C18orf54: variants seen among roughly 807,000 people sequenced by gnomAD.
The protein encoded by C18orf54 is lung adenoma susceptibility protein 2.
C18orf54 carries 49 observed loss-of-function variants against 49.3 expected under a neutral mutation model. The ratio of observed to expected loss-of-function variants is 0.99; its 90% confidence interval spans 0.79 to 1.26. The LOEUF (loss-of-function observed/expected upper bound fraction) is 1.26. C18orf54 is among the 50% of genes most tolerant of loss of function. C18orf54 has a pLI of 0.00. For synonymous variants in C18orf54, 211 were observed against 216.6 expected, an observed-to-expected ratio of 0.97 and a Z score of 0.23; for missense variants, 687 against 620.6, an observed-to-expected ratio of 1.11 and a Z score of -1.14.
At position 54,365,733 on chromosome 18, in the gene C18orf54, C is replaced by T. The variant is rs150002374; in HGVS notation, c.1238C>T (p.Pro413Leu). 114 of 1,590,090 alleles carry T rather than the reference C, an allele frequency of 7.2e-5. 1 individual carries two copies. In the East Asian group the frequency reaches 9.0e-4, roughly 13 times the overall value. The change falls in exon 6 of 9, where the codon CCC becomes CTC. Residue 413 changes from proline (P) to leucine (L), a missense_variant. Pro to Leu is a moderately conservative substitution (Grantham distance 98). Transcript: ENST00000620105. ...ATCCTGTTTAGCAAATCTCCTGTTC[C>T]CGTTAACTCTGATGATAGTCCTCAA... ...NIPVTFKSPV[P>L]VNSDDSPQQT...
rs1380141933 is a variant in C18orf54 at position 54,362,331 on chromosome 18, T to A, written c.972T>A (p.Asp324Glu). The change falls in exon 4 of 9, where the codon GAT becomes GAA. Residue 324 changes from aspartate to glutamate, a missense_variant. By Grantham distance (45) the Asp-to-Glu change is conservative. Coordinates refer to ENST00000620105, the MANE Select transcript of C18orf54 (RefSeq NM_001288980.2). ...CAAACTTTTCAAATTCCTTGAGTGA[T>A]GATAAAGAATTAGTTAATGAATACA... ...EPSNFSNSLS[D>E]DKELVNEYKC... is the part of the protein sequence containing the mutation. 1 of 1,535,950 alleles carries A rather than the reference T, an allele frequency of 6.5e-7. No homozygotes were observed. The highest frequency in any genetic ancestry group is 2.4e-5 in the East Asian group (1 of 40,908).
At chr18:54,361,243 A>G (rs2144718203) in intron 3 of C18orf54, among the ~76,000 whole-genome samples, 1 of 152,332 alleles carries the variant, frequency 6.6e-6, no homozygotes, top group Non-Finnish European at 1.5e-5. Context: ...AATCCATGCC[A>G]TTGAAGGGTT....
At chr18:54,373,079 T>C (rs1171073539) in intron 7 of C18orf54, among the ~76,000 whole-genome samples, 1 of 151,916 alleles carries the variant, frequency 6.6e-6, no homozygotes, top group Non-Finnish European at 1.5e-5. Context: ...CATTTTATTT[T>C]TTCAATTTGT....
In C18orf54 at chr18:54,360,767, T is replaced by G. The variant is rs1335551727; in HGVS notation, c.195T>G (p.Tyr65Ter). 1 of 1,613,672 alleles carries G rather than the reference T, an allele frequency of 6.2e-7. No homozygotes were observed. The highest frequency in any genetic ancestry group is 8.5e-7 in the Non-Finnish European group (1 of 1,179,710). Reference sequence around the variant, plus strand: ...ATGATTTTGATCTAGGCCAAATATATCCTGGTGCAAGCACTGGAAAAATTA... The same window carrying G: ...ATGATTTTGATCTAGGCCAAATATAGCCTGGTGCAAGCACTGGAAAAATTA... ...YIDDFDLGQI[Y>*]PGASTGKINI... The change falls in exon 3 of 9, where the codon TAT (tyrosine) becomes TAG (stop). Residue 65 changes from tyrosine to a stop codon, truncating the protein, a stop_gained. Transcript: ENST00000620105. LOFTEE classifies it high-confidence loss of function.
At chr18:54,378,020 G>A (rs2089604745) in intron 8 of C18orf54, among the ~76,000 whole-genome samples, 154 bp from the exon 9 acceptor site, 1 of 152,012 alleles carries the variant, frequency 6.6e-6, no homozygotes, top group Admixed American at 6.5e-5. Context: ...AGATCTCAAG[G>A]TTTTATAAGG....
intron 2 of C18orf54, among the ~76,000 whole-genome samples, chr18:54,359,553 A>G (rs1391440561): frequency 6.6e-6 from 1 of 152,240 alleles, no homozygotes; most frequent in East Asian, 1.9e-4. Flanking sequence ...CTAAGATTAC[A>G]TTAAAAGTTG....
intron 2 of C18orf54, among the ~76,000 whole-genome samples, chr18:54,359,575 AT>A (rs1367036764): frequency 2.6e-5 from 4 of 152,208 alleles, no homozygotes; most frequent in Non-Finnish European, 5.9e-5. Flanking sequence ...TATAACAAAT[AT>A]TTCTAAAATT....
intron 2 of C18orf54, among the ~76,000 whole-genome samples, chr18:54,359,504 A>G (rs2144713024): frequency 6.6e-6 from 1 of 152,356 alleles, no homozygotes; most frequent in Non-Finnish European, 1.5e-5. Flanking sequence ...TTATTTAATT[A>G]GAAAACTTTC....
intron 8 of C18orf54, among the ~76,000 whole-genome samples, chr18:54,377,901 G>C (rs2089602511): frequency 6.6e-6 from 1 of 152,042 alleles, no homozygotes; most frequent in African/African-American, 2.4e-5. Context: ...ATTGTTTCTT[G>C]TTAGGGCACT....
chr18:54,370,079 A>G (rs1306631601), intron 6 of C18orf54, among the ~76,000 whole-genome samples: 1 of 152,094 alleles, frequency 6.6e-6, no homozygotes, highest in Non-Finnish European at 1.5e-5. Context: ...GATCGAGACC[A>G]TCCTGGCTAA....
In C18orf54 at chr18:54,361,953, G is replaced by A; in HGVS notation, c.594G>A (p.Arg198=). The A allele has an allele frequency of 6.2e-7, 1 of 1,614,008 alleles. No homozygotes were observed. Among genetic ancestry groups the A allele is most frequent in the Non-Finnish European group, 8.5e-7 (1 of 1,180,004 alleles). ...RSNINGKQCG[R]LKNPKLMNRT... ...ATATAAATGGAAAGCAATGTGGTAGGCTGAAAAACCCAAAACTTATGAATA... is the reference window on the plus strand; with the variant it reads ...ATATAAATGGAAAGCAATGTGGTAGACTGAAAAACCCAAAACTTATGAATA... Residue 198 remains arginine, a synonymous_variant, in exon 4 of 9, where the codon AGG becomes AGA. Coordinates refer to ENST00000620105, the MANE Select transcript of C18orf54 (RefSeq NM_001288980.2).
Position 54,362,101 on chromosome 18 carries a change from C to G in C18orf54, c.742C>G (p.Leu248Val). The change falls in exon 4 of 9, where the codon CTT (leucine) becomes GTT (valine). Residue 248 changes from leucine (L) to valine (V), a missense_variant. By Grantham distance (32) the Leu-to-Val change is conservative. Transcript: ENST00000620105. ...ATGGCTCACTAGCCAGAAATCTGAC[C>G]TTAATGTTTCAGGGATAACTAGTAT... ...PRWLTSQKSDLNVSGITSIPD... is the reference protein window; with the variant it reads ...PRWLTSQKSDVNVSGITSIPD... 6.5e-7 allele frequency: 1 copy of G among 1,538,772 alleles called. No individual in the cohort carries two copies.
intron 3 of C18orf54, 45 bp downstream of exon 3, chr18:54,360,900 G>A (rs1196874077): frequency 2.6e-6 from 4 of 1,535,552 alleles, no homozygotes; most frequent in Non-Finnish European, 3.6e-6. Flanking sequence ...ATGTTTTGAA[G>A]CATTTGGGAG....
chr18:54,378,100 T>TTTAC (rs72534372), intron 8 of C18orf54, 74 bp from the exon 9 acceptor site: 11 of 1,130,530 alleles, frequency 9.7e-6, no homozygotes, highest in Non-Finnish European at 1.1e-5. Context: ...ACTTTATTTA[T>TTTAC]TTTTTTGCTG....
chr18:54,372,726 C>T, intron 7 of C18orf54, 129 bp downstream of exon 7: 1 of 826,930 alleles, frequency 1.2e-6, no homozygotes, highest in Non-Finnish European at 1.8e-6. Context: ...TTGTAAGTGG[C>T]AGTAGTTTTT....
intron 3 of C18orf54, among the ~76,000 whole-genome samples, 183 bp downstream of exon 3, chr18:54,361,038 G>C (rs921495542): frequency 6.6e-6 from 1 of 152,160 alleles, no homozygotes; most frequent in African/African-American, 2.4e-5. Context: ...ATATTCACAA[G>C]ATGTTAAGAG....
rs1430848999 is a variant in C18orf54, at chr18:54,372,482, G to C, written c.1343G>C (p.Gly448Ala). ...NNDNQSCTLS[G>A]GKHHGPVEAL... Reference sequence around the variant, plus strand: ...TAACCTTAGAGCTGTACTCTCTCTGGAGGCAAACATCATGGTCCTGTTGAA... The same window carrying C: ...TAACCTTAGAGCTGTACTCTCTCTGCAGGCAAACATCATGGTCCTGTTGAA... Residue 448 changes from glycine (G) to alanine (A), a missense_variant, in exon 7 of 9, where the codon GGA (glycine) becomes GCA (alanine). Gly to Ala is a moderately conservative substitution (Grantham distance 60). Coordinates refer to ENST00000620105, the MANE Select transcript of C18orf54 (RefSeq NM_001288980.2). The C allele has an allele frequency of 1.2e-6, 2 of 1,608,576 alleles. No homozygotes were observed. Among genetic ancestry groups the C allele is most frequent in the East Asian group, 4.5e-5 (2 of 44,750 alleles).
chr18:54,371,417 C>G (rs1197588293), intron 6 of C18orf54, among the ~76,000 whole-genome samples: 1 of 152,138 alleles, frequency 6.6e-6, no homozygotes, highest in African/African-American at 2.4e-5. Context: ...TTATCTGCAT[C>G]TTTTGGCTGT....
At chr18:54,369,128 G>A (rs1373105835) in intron 6 of C18orf54, among the ~76,000 whole-genome samples, 3 of 152,086 alleles carry the variant, frequency 2.0e-5, no homozygotes, top group African/African-American at 7.2e-5. Flanking sequence ...GGAAGACCTA[G>A]GAAACAAGTT....
Sources: allele counts gnomAD v4.1 joint callset (sites outside exome capture counted in the v4.1 genomes callset), GRCh38; gene constraint gnomAD v4.1.1; transcripts MANE v1.5; gene names NCBI Gene and HGNC (gene_info 2026-07-23, HGNC 2026-07-21).